The following MITF variants were observed in gnomAD, a reference collection of about 807,000 sequenced individuals.
MITF encodes the protein melanocyte inducing transcription factor, also known as microphthalmia-associated transcription factor.
Under a neutral mutation model 60.5 loss-of-function variants are expected in MITF, and 17 were observed. The ratio of observed to expected loss-of-function variants is 0.28; its 90% confidence interval spans 0.19 to 0.42. The LOEUF is 0.42. Ranked by LOEUF, MITF falls within the 10% of genes least tolerant of loss-of-function variation. The pLI is 1.00. For synonymous variants in MITF, 260 were observed against 248.5 expected (o/e 1.05, Z -0.43); for missense variants, 622 against 683.5 (o/e 0.91, Z 1.00).
chr3:69,825,541 A>C (rs1394511170), intron 1 of MITF, among the ~76,000 whole-genome samples: 2 of 152,238 alleles, frequency 1.3e-5, no homozygotes, highest in Non-Finnish European at 2.9e-5. Flanking sequence ...GATAATATCT[A>C]CATTGATAAT....
intron 1 of MITF, among the ~76,000 whole-genome samples, chr3:69,842,218 A>C (rs1249770378): frequency 7.9e-5 from 12 of 152,314 alleles, no homozygotes; most frequent in African/African-American, 2.6e-4. Flanking sequence ...AAAAATCATC[A>C]GGCTACTCCA....
intron 1 of MITF, among the ~76,000 whole-genome samples, chr3:69,841,334 AAC>A (rs1307192240): frequency 6.6e-6 from 1 of 152,224 alleles, no homozygotes; most frequent in African/African-American, 2.4e-5. Flanking sequence ...AAAATGTTCA[AAC>A]ACATCTTTGT....
intron 1 of MITF, among the ~76,000 whole-genome samples, chr3:69,757,997 ATGTGTGTGTGTGTGTGTGTG>A (rs60250386): frequency 3.0e-4 from 35 of 116,036 alleles, no homozygotes; most frequent in East Asian, 4.6e-4. Flanking sequence ...ACCCTAGGGC[ATGTGTGTGTGTGTGTGTGTG>A]TGTGTGTGTG....
At chr3:69,745,699 G>T (rs575280404) in intron 1 of MITF, among the ~76,000 whole-genome samples, 1 of 152,140 alleles carries the variant, frequency 6.6e-6, no homozygotes, top group Non-Finnish European at 1.5e-5. Context: ...GAGGCTGCAT[G>T]CATGTGGACA....
chr3:69,879,403 G>A lies in MITF; in HGVS notation c.354+20G>A, dbSNP rs2064431168. 6.2e-7 allele frequency: 1 copy of A among 1,614,144 alleles called. No homozygotes were observed. The highest frequency in any genetic ancestry group is 8.5e-7 in the Non-Finnish European group (1 of 1,180,012). The stretch of plus-strand genomic sequence containing the variant: ...CTTAAGGTACGTGAGTGTTGCTCTT[G>A]TTGGTTGGACCAAACTCTCTTCCAT... On this transcript the variant is annotated intron_variant, in intron 2 of 9. Transcript: ENST00000352241.
At chr3:69,769,511 C>G (rs1038741519) in intron 1 of MITF, 3 of 152,042 alleles carry the variant, frequency 2.0e-5, no homozygotes, top group Non-Finnish European at 4.4e-5. Context: ...GCTGTGATGC[C>G]CAGGCTGGAG....
chr3:69,964,995 C>G lies in MITF; in HGVS notation c.1328C>G (p.Thr443Ser). 6.2e-7 allele frequency: 1 copy of G among 1,614,132 alleles called. No homozygotes were observed. Among genetic ancestry groups the G allele is most frequent in the Non-Finnish European group, 8.5e-7 (1 of 1,180,010 alleles). The change falls in exon 10 of 10, where the codon ACC (threonine) becomes AGC (serine). Residue 443 changes from threonine to serine, a missense_variant. Thr to Ser is a moderately conservative substitution (Grantham distance 58). Around this residue, in one of 5 missense-constraint regions of MITF, gnomAD observed 224 missense variants for 209.5 expected, o/e 1.07. Coordinates refer to ENST00000352241, the MANE Select transcript of MITF (RefSeq NM_001354604.2). ...CTCCTTCAGCATCATGCAGACCTAA[C>G]CTGTACAACAACTCTCGATCTCACG... ...QDLLQHHADL[T>S]CTTTLDLTDG... is the part of the protein sequence containing the mutation.
In MITF at chr3:69,798,732, A is replaced by G. The variant is rs550165701; in HGVS notation, c.104+59031A>G. Among the ~76,000 whole-genome samples the G allele has an allele frequency of 2.6e-5, 4 of 152,350 alleles. No individual in the cohort carries two copies. In the South Asian group the frequency reaches 8.3e-4, roughly 32 times the overall value. Reference sequence around the variant, plus strand: ...CATTGCCTCCCCATAGTGCTTTAGCAACAGTGGACTTCATTTATTCCTGAA... The same window carrying G: ...CATTGCCTCCCCATAGTGCTTTAGCGACAGTGGACTTCATTTATTCCTGAA... On this transcript the variant is annotated intron_variant, in intron 1 of 9. Transcript: ENST00000352241.
At chr3:69,923,649 A>G (rs9879292) in intron 2 of MITF, among the ~76,000 whole-genome samples, 2,623 of 152,270 alleles carry the variant, frequency 0.017, 85 homozygotes, top group African/African-American at 0.059. Context: ...TCTTCTCCTA[A>G]TTATGAGGAG....
intron 2 of MITF, among the ~76,000 whole-genome samples, chr3:69,899,766 T>G (rs2064956806): frequency 6.6e-6 from 1 of 152,204 alleles, no homozygotes; most frequent in African/African-American, 2.4e-5. Flanking sequence ...AAGGACTGCA[T>G]AAGCTATAAC....
At chr3:69,775,924 A>G (rs2062466560) in intron 1 of MITF, among the ~76,000 whole-genome samples, 1 of 152,254 alleles carries the variant, frequency 6.6e-6, no homozygotes, top group African/African-American at 2.4e-5. Flanking sequence ...CTCGGTTGGC[A>G]TTTTTAATTT....
chr3:69,819,743 C>G (rs954416336), intron 1 of MITF, among the ~76,000 whole-genome samples: 3 of 152,128 alleles, frequency 2.0e-5, no homozygotes, highest in African/African-American at 7.2e-5. Flanking sequence ...AGGTGGATCA[C>G]TTGAGGTCAG....
intron 2 of MITF, among the ~76,000 whole-genome samples, chr3:69,930,476 A>T (rs1465807283): frequency 2.6e-5 from 4 of 152,156 alleles, no homozygotes; most frequent in Non-Finnish European, 4.4e-5. Flanking sequence ...CTTGGCTGGA[A>T]TGCCGTTCCT....
chr3:69,876,148 T>C (rs969267858), intron 1 of MITF, among the ~76,000 whole-genome samples: 1 of 152,192 alleles, frequency 6.6e-6, no homozygotes, highest in African/African-American at 2.4e-5. Context: ...CTTAGTGCAG[T>C]TGATAACTAG....
chr3:69,938,596 A>T, intron 3 of MITF: 1 of 1,366,358 alleles, frequency 7.3e-7, no homozygotes, highest in Non-Finnish European at 9.4e-7. Flanking sequence ...ATTCTGTTTC[A>T]TAATAAAATT....
rs755009634 is a variant in MITF at position 69,949,135 on chromosome 3, G to C, written c.847G>C (p.Ala283Pro). ...PGLTISNSCP[A>P]NLPNIKRELT... ...CCTCACCATCAGCAACTCCTGTCCA[G>C]CCAACCTTCCCAACATAAAAAGGGA... Residue 283 changes from alanine (A) to proline (P), a missense_variant, in exon 6 of 10, where the codon GCC becomes CCC. By Grantham distance (27) the Ala-to-Pro change is conservative (BLOSUM62 -1). Transcript: ENST00000352241. The C allele has an allele frequency of 6.2e-7, 1 of 1,613,552 alleles. No individual in the cohort carries two copies. Among genetic ancestry groups the C allele is most frequent in the South Asian group, 1.1e-5 (1 of 91,050 alleles).
chr3:69,929,864 A>G (rs528798934), intron 2 of MITF, among the ~76,000 whole-genome samples: 8 of 152,198 alleles, frequency 5.3e-5, no homozygotes, highest in African/African-American at 1.9e-4. Flanking sequence ...TATTCTGATT[A>G]TTTTCTGAAG....
At chr3:69,847,996 T>C (rs145671776) in intron 1 of MITF, among the ~76,000 whole-genome samples, 4 of 152,380 alleles carry the variant, frequency 2.6e-5, no homozygotes, top group African/African-American at 9.6e-5. Flanking sequence ...CCTTCTTTTC[T>C]ATTTCATGAA....
intron 1 of MITF, among the ~76,000 whole-genome samples, chr3:69,797,290 A>G (rs1304312181): frequency 6.6e-6 from 1 of 152,098 alleles, no homozygotes; most frequent in Non-Finnish European, 1.5e-5. Context: ...CAGATTGTAC[A>G]TATTCAGAGA....
Sources: gnomAD v4.1 joint callset for allele counts (sites outside exome capture counted in the v4.1 genomes callset) on GRCh38, gnomAD v4.1.1 for gene constraint, gnomAD v4.1.1 regional missense constraint, MANE v1.5 for transcripts, NCBI Gene and HGNC (gene_info 2026-07-23, HGNC 2026-07-21) for gene names.